The following NEK10 variants were observed in gnomAD, a reference collection of about 807,000 sequenced individuals.
The protein encoded by NEK10 is serine/threonine-protein kinase Nek10.
Under a neutral mutation model 159.8 loss-of-function variants are expected in NEK10, and 122 were observed. The observed-to-expected ratio is 0.76, with a 90% CI of 0.66 to 0.89. The LOEUF (loss-of-function observed/expected upper bound fraction) is 0.89, where lower values mean the gene tolerates loss of function less well. Ranked by LOEUF, NEK10 falls within the 40% of genes least tolerant of loss-of-function variation. The pLI is 0.00. For missense variants in NEK10, 1,342 were observed against 1,323.1 expected (o/e 1.01, Z -0.22); for synonymous variants, 466 against 457.1 (o/e 1.02, Z -0.25).
chr3:27,217,793 G>C (rs1951680453), intron 23 of NEK10, among the ~76,000 whole-genome samples: 1 of 152,084 alleles, frequency 6.6e-6, no homozygotes, highest in South Asian at 2.1e-4. Flanking sequence ...AAGAATTACA[G>C]TAGTACCCCC....
In NEK10 at chr3:27,195,220, A is replaced by C. The variant is rs1452484022; in HGVS notation, c.2292-2978T>G. On this transcript the variant is annotated intron_variant, in intron 25 of 35. Transcript: ENST00000691995. ...TGTCTTCTATTTCAAAGGCTCTATC[A>C]AATTACTAAAGATTGGCTGTGAGCC... Among the ~76,000 whole-genome samples the C allele has an allele frequency of 2.0e-5, 3 of 152,348 alleles. No homozygotes were observed. The East Asian group carries it at 5.8e-4, about 29-fold the overall frequency.
chr3:27,257,542 TTAA>T (rs1159620146), intron 22 of NEK10, among the ~76,000 whole-genome samples: 3 of 152,174 alleles, frequency 2.0e-5, no homozygotes, highest in Non-Finnish European at 2.9e-5. Flanking sequence ...ATTCGCATTA[TTAA>T]TAATAATACA....
intron 6 of NEK10, among the ~76,000 whole-genome samples, chr3:27,319,003 AAT>A (rs1261147956): frequency 6.6e-6 from 1 of 152,176 alleles, no homozygotes; most frequent in African/African-American, 2.4e-5. Context: ...ATGCTGAATA[AAT>A]GCTAGAGGTT....
intron 29 of NEK10, among the ~76,000 whole-genome samples, chr3:27,171,234 C>T (rs1019230471): frequency 6.6e-6 from 1 of 152,184 alleles, no homozygotes; most frequent in East Asian, 1.9e-4. Context: ...CCCAAAATAA[C>T]AATTTTGCTT....
chr3:27,313,902 G>A (rs896297789), intron 7 of NEK10, among the ~76,000 whole-genome samples: 2 of 152,044 alleles, frequency 1.3e-5, no homozygotes, highest in African/African-American at 4.8e-5. Flanking sequence ...AGTAGAGACG[G>A]GGTTTCACCA....
chr3:27,259,793 T>G (rs893659943), intron 22 of NEK10, among the ~76,000 whole-genome samples: 67 of 152,324 alleles, frequency 4.4e-4, no homozygotes, highest in Non-Finnish European at 8.2e-4. Flanking sequence ...GCATTGAACC[T>G]ATAAATTACC....
intron 1 of NEK10, among the ~76,000 whole-genome samples, chr3:27,365,338 A>G (rs1358880977): frequency 6.6e-6 from 1 of 152,016 alleles, no homozygotes; most frequent in East Asian, 1.9e-4. Flanking sequence ...GTCAATTGTC[A>G]TTTTGTCACT....
intron 5 of NEK10, among the ~76,000 whole-genome samples, chr3:27,322,494 C>T (rs1405419153): frequency 6.6e-6 from 1 of 152,140 alleles, no homozygotes; most frequent in Non-Finnish European, 1.5e-5. Flanking sequence ...TTCATGCCAC[C>T]ACCCTTACTG....
intron 22 of NEK10, 97 bp from the exon 23 acceptor site, chr3:27,256,468 C>T (rs1956187411): frequency 2.0e-6 from 1 of 510,640 alleles, no homozygotes; most frequent in Non-Finnish European, 3.3e-6. Context: ...TACTACACTT[C>T]ATAACCAAAG....
intron 22 of NEK10, among the ~76,000 whole-genome samples, chr3:27,259,305 C>T (rs2040186669): frequency 6.6e-6 from 1 of 152,174 alleles, no homozygotes; most frequent in African/African-American, 2.4e-5. Flanking sequence ...TGCCTATGTC[C>T]TGAATGGTAT....
At chr3:27,361,138 A>G (rs2048655753) in intron 1 of NEK10, among the ~76,000 whole-genome samples, 1 of 152,220 alleles carries the variant, frequency 6.6e-6, no homozygotes, top group African/African-American at 2.4e-5. Flanking sequence ...AGATACCACT[A>G]TAACCTCCCT....
At chr3:27,280,883 T>G (rs907204511) in intron 22 of NEK10, among the ~76,000 whole-genome samples, 21 of 147,260 alleles carry the variant, frequency 1.4e-4, no homozygotes, top group Non-Finnish European at 2.5e-4. Flanking sequence ...TATATGTGTG[T>G]GTGTATATGT....
chr3:27,149,463 G>A (rs1944621293), intron 30 of NEK10, among the ~76,000 whole-genome samples: 1 of 152,112 alleles, frequency 6.6e-6, no homozygotes, highest in South Asian at 2.1e-4. Flanking sequence ...TCATGCCTCT[G>A]TGTCACATTT....
chr3:27,249,756 T>C (rs1955464543), intron 23 of NEK10, among the ~76,000 whole-genome samples: 1 of 152,184 alleles, frequency 6.6e-6, no homozygotes, highest in African/African-American at 2.4e-5. Flanking sequence ...TTCCTGCCAT[T>C]TTGTCATTTA....
chr3:27,147,946 A>C (rs1349858552), intron 30 of NEK10, among the ~76,000 whole-genome samples: 2 of 152,252 alleles, frequency 1.3e-5, no homozygotes, highest in Non-Finnish European at 1.5e-5. Context: ...TCATCAATGC[A>C]TTGAATAAAA....
chr3:27,195,321 A>C (rs1011977122), intron 25 of NEK10, among the ~76,000 whole-genome samples: 27 of 152,220 alleles, frequency 1.8e-4, no homozygotes, highest in Admixed American at 4.6e-4. Context: ...GCTTTAAGAA[A>C]ATACAAAATT....
At chr3:27,245,276 T>C (rs781204169) in intron 23 of NEK10, among the ~76,000 whole-genome samples, 1 of 152,208 alleles carries the variant, frequency 6.6e-6, no homozygotes, top group Non-Finnish European at 1.5e-5. Context: ...AATACGGTGC[T>C]GCATTATGAT....
At chr3:27,204,623 T>C (rs1289879363) in intron 23 of NEK10, among the ~76,000 whole-genome samples, 108 of 119,052 alleles carry the variant, frequency 9.1e-4, no homozygotes, top group Non-Finnish European at 1.7e-3. Flanking sequence ...TCCATGTCCC[T>C]ACAAAGGACA....
chr3:27,255,402 T>C (rs1956074866), intron 23 of NEK10: 1 of 222,300 alleles, frequency 4.5e-6, no homozygotes, highest in Non-Finnish European at 9.6e-6. Context: ...AAGGACTTTG[T>C]AAAATTAGGC....
Sources: gnomAD v4.1 joint callset for allele counts (sites outside exome capture counted in the v4.1 genomes callset) on GRCh38, gnomAD v4.1.1 for gene constraint, MANE v1.5 for transcripts, NCBI Gene and HGNC (gene_info 2026-07-23, HGNC 2026-07-21) for gene names.